The following OR8D4 variants were observed in gnomAD, a reference collection of about 807,000 sequenced individuals.
OR8D4 encodes olfactory receptor family 8 subfamily D member 4, also known as olfactory receptor 8D4.
For missense variants in OR8D4, 359 were observed against 372.6 expected (o/e 0.96, Z 0.30); for synonymous variants, 141 against 134.8 (o/e 1.05, Z -0.32).
rs148753800 is a variant in OR8D4 at position 123,907,319 on chromosome 11, A to C, written c.888A>C (p.Glu296Asp). 7.2e-5 allele frequency: 112 copies of C among 1,555,602 alleles called. No individual in the cohort carries two copies. The African/African-American group carries it at 1.4e-3, about 19-fold the overall frequency. Reference protein sequence around the residue: ...NPLIYSLRNNEVRNALMKLLR... With the variant: ...NPLIYSLRNNDVRNALMKLLR... ...TGATATATAGTCTGAGGAACAATGA[A>C]GTAAGAAATGCTCTGATGAAACTTT... is the stretch of plus-strand genomic sequence containing the variant. The change falls in exon 2 of 2, where the codon GAA becomes GAC. Residue 296 changes from glutamate to aspartate, a missense_variant. Transcript: ENST00000641687.
chr11:123,903,342 A>G (rs1863176199), intron 1 of OR8D4, among the ~76,000 whole-genome samples: 1 of 152,032 alleles, frequency 6.6e-6, no homozygotes, highest in Non-Finnish European at 1.5e-5. Flanking sequence ...TACTAGTAAA[A>G]TGTATTTTAT....
Position 123,907,074 on chromosome 11 carries a change from A to T in OR8D4, c.643A>T (p.Ile215Phe), listed in dbSNP as rs754339954. ...CATGGTGGCCACAAGCCTAACAATC[A>T]TTATTTCATATGCTTTTATCCTCAC... The part of the protein sequence containing the change: ...FNMVATSLTI[I>F]ISYAFILTSI... The change falls in exon 2 of 2, where the codon ATT becomes TTT. Residue 215 changes from isoleucine to phenylalanine, a missense_variant. Ile to Phe is a conservative substitution (Grantham distance 21). Coordinates refer to ENST00000641687, the MANE Select transcript of OR8D4 (RefSeq NM_001005197.2). 8.7e-6 allele frequency: 14 copies of T among 1,613,952 alleles called. No individual in the cohort carries two copies. The Admixed American group carries it at 2.2e-4, about 25-fold the overall frequency.
chr11:123,902,205 A>T lies in OR8D4; in HGVS notation c.-68A>T, dbSNP rs537435216. The T allele has an allele frequency of 1.4e-4, 21 of 152,288 alleles. No homozygotes were observed. Among genetic ancestry groups the T allele is most frequent in the African/African-American group, 4.8e-4 (20 of 41,566 alleles). The allele number at this position is 152,288 out of a possible 1,614,324, so 9.4% of individuals were successfully genotyped here. A position where few individuals can be genotyped will look rare whatever the true frequency, so the allele number is the denominator to read the frequency against. On this transcript the variant is annotated 5_prime_UTR_variant, in exon 1 of 2. It removes an upstream start codon present in the reference 5' UTR. Transcript: ENST00000641687. Reference sequence around the variant, plus strand: ...TCAATCCATCTCTACTCCTGAAGTGATGAGGTTAGGAGAAAGAAGAGATAC... The same window carrying T: ...TCAATCCATCTCTACTCCTGAAGTGTTGAGGTTAGGAGAAAGAAGAGATAC...
chr11:123,907,173 G>T lies in OR8D4; in HGVS notation c.742G>T (p.Val248Phe). 1 of 1,613,754 alleles carries T rather than the reference G, an allele frequency of 6.2e-7. No individual in the cohort carries two copies. The highest frequency in any genetic ancestry group is 8.5e-7 in the Non-Finnish European group (1 of 1,179,804). The change falls in exon 2 of 2, where the codon GTT becomes TTT. Residue 248 changes from valine (V) to phenylalanine (F), a missense_variant. Transcript: ENST00000641687. The part of the protein sequence containing the change: ...FSTCSSHLTA[V>F]LMFYGSLMSM... ...CACCTGTAGCTCCCACCTGACAGCT[G>T]TTCTTATGTTTTATGGGTCTCTGAT...
In OR8D4 at chr11:123,907,404, G is replaced by A; in HGVS notation, c.*28G>A. ...ATGCTCTTTATTAAGATCTATTTCT[G>A]TATTCATAATCATGATTATATGTAT... On this transcript the variant is annotated 3_prime_UTR_variant, in exon 2 of 2. Transcript: ENST00000641687. 2.2e-6 allele frequency: 2 copies of A among 915,376 alleles called. No individual in the cohort carries two copies. Among genetic ancestry groups the A allele is most frequent in the Non-Finnish European group, 1.7e-6 (1 of 596,398 alleles). 56.7% of individuals were successfully genotyped at this position (915,376 alleles called of 1,614,324 possible).
In OR8D4 at chr11:123,902,719, C is replaced by G. The variant is rs1223437005; in HGVS notation, c.-16+462C>G. ...AGGGTTCATGGTCTTTCTGTTACCT[C>G]TGTACTAATGGTTTCTTTCTTTAAA... On this transcript the variant is annotated intron_variant, in intron 1 of 1. Transcript: ENST00000641687. 3.3e-5 allele frequency among the ~76,000 whole-genome samples: 5 copies of G among 152,030 alleles called. No individual in the cohort carries two copies. In the South Asian group the frequency reaches 1.0e-3, roughly 32 times the overall value.
chr11:123,906,814 G>A lies in OR8D4; in HGVS notation c.383G>A (p.Ser128Asn), dbSNP rs759603905. The change falls in exon 2 of 2, where the codon AGC becomes AAC. Residue 128 changes from serine (S) to asparagine (N), a missense_variant. Physicochemically the swap from Ser to Asn is conservative, Grantham distance 46 (BLOSUM62 1). Transcript: ENST00000641687. Reference sequence around the variant, plus strand: ...TGCGATCGCTACGTGGCCATCTGCAGCCCACTGCTCTACAGGGTCATCATG... The same window carrying A: ...TGCGATCGCTACGTGGCCATCTGCAACCCACTGCTCTACAGGGTCATCATG... Reference protein sequence around the residue: ...MACDRYVAICSPLLYRVIMSP... With the variant: ...MACDRYVAICNPLLYRVIMSP... 1 of 1,613,936 alleles carries A rather than the reference G, an allele frequency of 6.2e-7. No homozygotes were observed. Among genetic ancestry groups the A allele is most frequent in the Non-Finnish European group, 8.5e-7 (1 of 1,179,926 alleles).
In OR8D4 at chr11:123,906,649, ATTC is replaced by A; in HGVS notation, c.223_225del (p.Ser75del). On this transcript the variant is annotated inframe_deletion, in exon 2 of 2. Coordinates refer to ENST00000641687, the MANE Select transcript of OR8D4 (RefSeq NM_001005197.2). Reference sequence around the variant, plus strand: ...AGTTTGTCTTTTTTAGATTTCTGCTATTCTTCTGTCATTACCCCTAAAATGCTA... The same window carrying A: ...AGTTTGTCTTTTTTAGATTTCTGCTATTCTGTCATTACCCCTAAAATGCTA... The A allele has an allele frequency of 6.2e-7, 1 of 1,613,456 alleles. No homozygotes were observed. Among genetic ancestry groups the A allele is most frequent in the Non-Finnish European group, 8.5e-7 (1 of 1,179,382 alleles).
chr11:123,905,255 T>C (rs1016112922), intron 1 of OR8D4, among the ~76,000 whole-genome samples: 1 of 152,220 alleles, frequency 6.6e-6, no homozygotes, highest in Admixed American at 6.5e-5. Context: ...TGGAAATCAA[T>C]GTATGATTAG....
In OR8D4 at chr11:123,902,230, C is replaced by A. The variant is rs184510603; in HGVS notation, c.-43C>A. Reference sequence around the variant, plus strand: ...ATGAGGTTAGGAGAAAGAAGAGATACTCACCTACAGTCTTCAGGAGGAAAA... The same window carrying A: ...ATGAGGTTAGGAGAAAGAAGAGATAATCACCTACAGTCTTCAGGAGGAAAA... On this transcript the variant is annotated 5_prime_UTR_variant, in exon 1 of 2. Transcript: ENST00000641687. The A allele has an allele frequency of 2.6e-5, 4 of 152,254 alleles. No individual in the cohort carries two copies. The East Asian group carries it at 7.7e-4, about 29-fold the overall frequency. 9.4% of individuals were successfully genotyped at this position (152,254 alleles called of 1,614,324 possible). A position where few individuals can be genotyped will look rare whatever the true frequency, so the allele number is the denominator to read the frequency against.
chr11:123,906,179 T>A, intron 1 of OR8D4: 1 of 405,020 alleles, frequency 2.5e-6, no homozygotes. Flanking sequence ...AACTCTGGAG[T>A]AAAAGGTTCT....
At position 123,906,780 on chromosome 11, in the gene OR8D4, G is replaced by A; in HGVS notation, c.349G>A (p.Ala117Thr). ...CVISECYMLA[A>T]MACDRYVAIC... ...TATTTCTGAATGCTACATGCTGGCA[G>A]CCATGGCCTGCGATCGCTACGTGGC... The change falls in exon 2 of 2, where the codon GCC becomes ACC. Residue 117 changes from alanine (A) to threonine (T), a missense_variant. Physicochemically the swap from Ala to Thr is moderately conservative, Grantham distance 58. Transcript: ENST00000641687. 1 of 1,613,814 alleles carries A rather than the reference G, an allele frequency of 6.2e-7. No homozygotes were observed. Among genetic ancestry groups the A allele is most frequent in the Non-Finnish European group, 8.5e-7 (1 of 1,179,826 alleles).
chr11:123,906,778 C>A lies in OR8D4; in HGVS notation c.347C>A (p.Ala116Glu), dbSNP rs1863204340. 2 of 1,613,710 alleles carry A rather than the reference C, an allele frequency of 1.2e-6. No individual in the cohort carries two copies. Among genetic ancestry groups the A allele is most frequent in the South Asian group, 2.2e-5 (2 of 91,076 alleles). ...VCVISECYML[A>E]AMACDRYVAI... ...GTTATTTCTGAATGCTACATGCTGG[C>A]AGCCATGGCCTGCGATCGCTACGTG... The change falls in exon 2 of 2, where the codon GCA becomes GAA. Residue 116 changes from alanine (A) to glutamate (E), a missense_variant. Transcript: ENST00000641687.
Position 123,907,247 on chromosome 11 carries a change from A to C in OR8D4, c.816A>C (p.Lys272Asn). The stretch of plus-strand genomic sequence containing the variant: ...CTAGCAGTTCACTCACCCAGGAGAA[A>C]GTATCCTCAGTATTTTATACCACTG... Reference protein sequence around the residue: ...PASSSSLTQEKVSSVFYTTVI... With the variant: ...PASSSSLTQENVSSVFYTTVI... Residue 272 changes from lysine to asparagine, a missense_variant, in exon 2 of 2, where the codon AAA becomes AAC. Coordinates refer to ENST00000641687, the MANE Select transcript of OR8D4 (RefSeq NM_001005197.2). The C allele has an allele frequency of 6.2e-7, 1 of 1,612,452 alleles. No individual in the cohort carries two copies. The highest frequency in any genetic ancestry group is 8.5e-7 in the Non-Finnish European group (1 of 1,178,522).
chr11:123,904,301 C>T (rs190745426), intron 1 of OR8D4, among the ~76,000 whole-genome samples: 43 of 152,110 alleles, frequency 2.8e-4, no homozygotes, highest in Admixed American at 5.2e-4. Context: ...GGAACATGAG[C>T]AGAATAAGAC....
Position 123,907,528 on chromosome 11 carries a change from C to T in OR8D4, c.*152C>T, listed in dbSNP as rs566111769. On this transcript the variant is annotated 3_prime_UTR_variant, in exon 2 of 2. Transcript: ENST00000641687. ...TTGGGAGGCCGAGTTGGGTGGATCA[C>T]GAGGTCCGGTGTTCAAGACCAGCCT... is the stretch of plus-strand genomic sequence containing the variant. 6.6e-5 allele frequency: 28 copies of T among 425,992 alleles called. No homozygotes were observed. The highest frequency in any genetic ancestry group is 2.7e-4 in the East Asian group (7 of 26,374). The allele number at this position is 425,992 out of a possible 1,614,324, so 26.4% of individuals were successfully genotyped here.
rs2137494848 is a variant in OR8D4, at chr11:123,907,849, A to G, written c.*473A>G. 6.6e-6 allele frequency: 1 copy of G among 152,136 alleles called. No homozygotes were observed. The highest frequency in any genetic ancestry group is 1.5e-5 in the Non-Finnish European group (1 of 67,996). The allele number at this position is 152,136 out of a possible 1,614,324, so 9.4% of individuals were successfully genotyped here. On this transcript the variant is annotated 3_prime_UTR_variant, in exon 2 of 2. Coordinates refer to ENST00000641687, the MANE Select transcript of OR8D4 (RefSeq NM_001005197.2). The stretch of plus-strand genomic sequence containing the variant: ...GATAATTACATTAATAACATGTAAA[A>G]CAACATATATGAAAGTGAAAAGTAA...
rs1040158680 is a variant in OR8D4 at position 123,907,515 on chromosome 11, G to A, written c.*139G>A. ...TAATCCCAGCACTTTGGGAGGCCGA[G>A]TTGGGTGGATCACGAGGTCCGGTGT... On this transcript the variant is annotated 3_prime_UTR_variant, in exon 2 of 2. Transcript: ENST00000641687. The A allele has an allele frequency of 1.1e-5, 5 of 465,438 alleles. No homozygotes were observed. The Admixed American group carries it at 1.2e-4, about 11-fold the overall frequency. 28.8% of individuals were successfully genotyped at this position (465,438 alleles called of 1,614,324 possible).
chr11:123,903,553 C>T (rs896114478), intron 1 of OR8D4, among the ~76,000 whole-genome samples: 1 of 151,986 alleles, frequency 6.6e-6, no homozygotes, highest in African/African-American at 2.4e-5. Context: ...TGCTAAAAAC[C>T]ACCTGAGTCC....
Sources: gnomAD v4.1 joint callset for allele counts (sites outside exome capture counted in the v4.1 genomes callset) on GRCh38, gnomAD v4.1.1 for gene constraint, MANE v1.5 for transcripts, NCBI Gene and HGNC (gene_info 2026-07-23, HGNC 2026-07-21) for gene names.